The following AAK1 variants were observed in gnomAD, a reference collection of about 807,000 sequenced individuals.
AAK1 encodes AP2-associated protein kinase 1.
AAK1 carries 37 observed loss-of-function variants against 116.0 expected under a neutral mutation model. The observed-to-expected ratio is 0.32, with a 90% CI of 0.25 to 0.42. The LOEUF (loss-of-function observed/expected upper bound fraction) is 0.42. AAK1 is among the 10% of genes least tolerant of loss of function. AAK1 has a pLI of 1.00. For missense variants in AAK1, 919 were observed against 1,170.6 expected (o/e 0.79, Z 3.14); for synonymous variants, 458 against 439.9 (o/e 1.04, Z -0.51).
chr2:69,558,704 G>C (rs1209592942), intron 2 of AAK1, among the ~76,000 whole-genome samples: 2 of 152,228 alleles, frequency 1.3e-5, no homozygotes, highest in African/African-American at 4.8e-5. Context: ...TAAGTCTTCA[G>C]TATGGGAATT....
At chr2:69,569,203 A>T (rs1279230892) in intron 2 of AAK1, among the ~76,000 whole-genome samples, 2 of 152,214 alleles carry the variant, frequency 1.3e-5, no homozygotes, top group Non-Finnish European at 2.9e-5. Flanking sequence ...AGAATATAAG[A>T]GCCTTTATAC....
chr2:69,622,202 G>A (rs977021024), intron 2 of AAK1, among the ~76,000 whole-genome samples: 2 of 152,236 alleles, frequency 1.3e-5, no homozygotes, highest in Non-Finnish European at 2.9e-5. Flanking sequence ...CAGGCAGTGA[G>A]GGGCTTACCA....
At chr2:69,632,300 T>C (rs1174166068) in intron 2 of AAK1, among the ~76,000 whole-genome samples, 2 of 152,222 alleles carry the variant, frequency 1.3e-5, no homozygotes, top group Non-Finnish European at 2.9e-5. Flanking sequence ...ACAGGCAATT[T>C]TGCCCCACAG....
At position 69,469,538 on chromosome 2, in the gene AAK1, A is replaced by G; in HGVS notation, c.*6331T>C. ...GCATTGAAGGATTTATACTAACCTA[A>G]CCACATGCCTTGACCCAGTTCCTTT... On this transcript the variant is annotated 3_prime_UTR_variant, in exon 22 of 22. Coordinates refer to ENST00000409085, the MANE Select transcript of AAK1 (RefSeq NM_014911.5). 1 of 985,418 alleles carries G rather than the reference A, an allele frequency of 1.0e-6. No individual in the cohort carries two copies. The allele number at this position is 985,418 out of a possible 1,614,324, so 61.0% of individuals were successfully genotyped here.
chr2:69,469,347 C>T lies in AAK1; in HGVS notation c.*6522G>A, dbSNP rs541345000. On this transcript the variant is annotated 3_prime_UTR_variant, in exon 22 of 22. Transcript: ENST00000409085. Reference sequence around the variant, plus strand: ...GAGAGAAGGATAAATTCCAAATATACTAGAAACAGAAGGTAACCATTAAAT... The same window carrying T: ...GAGAGAAGGATAAATTCCAAATATATTAGAAACAGAAGGTAACCATTAAAT... 1.6e-5 allele frequency: 16 copies of T among 985,426 alleles called. No homozygotes were observed. In the East Asian group the frequency reaches 1.7e-3, roughly 105 times the overall value. 61.0% of individuals were successfully genotyped at this position (985,426 alleles called of 1,614,324 possible). A position where few individuals can be genotyped will look rare whatever the true frequency, so the allele number is the denominator to read the frequency against.
intron 13 of AAK1, among the ~76,000 whole-genome samples, chr2:69,512,678 C>T (rs1676435874): frequency 6.6e-6 from 1 of 152,214 alleles, no homozygotes; most frequent in South Asian, 2.1e-4. Flanking sequence ...TGGCTCCTGG[C>T]CAAAGCATGG....
At position 69,458,778 on chromosome 2, in the gene AAK1, G is replaced by A. The variant is rs1377779467; in HGVS notation, c.*17091C>T. On this transcript the variant is annotated 3_prime_UTR_variant, in exon 22 of 22. Transcript: ENST00000409085. ...TCTGGTAGACTCAAAGAGTACAGCT[G>A]ATTTGCCATTTCAGAGTGAAAAGGC... The A allele has an allele frequency of 6.6e-6, 1 of 152,502 alleles. No homozygotes were observed. The highest frequency in any genetic ancestry group is 1.5e-5 in the Non-Finnish European group (1 of 68,016). 9.4% of individuals were successfully genotyped at this position (152,502 alleles called of 1,614,324 possible).
intron 2 of AAK1, among the ~76,000 whole-genome samples, chr2:69,617,623 A>C (rs1451567398): frequency 6.6e-6 from 1 of 152,244 alleles, no homozygotes; most frequent in Non-Finnish European, 1.5e-5. Context: ...TCGTTATTGT[A>C]AGATGCAGCA....
intron 2 of AAK1, among the ~76,000 whole-genome samples, chr2:69,562,729 A>G (rs2105098569): frequency 6.6e-6 from 1 of 152,256 alleles, no homozygotes; most frequent in Admixed American, 6.5e-5. Flanking sequence ...GTCTCTACTA[A>G]AAATACAAAA....
Position 69,468,508 on chromosome 2 carries a change from TA to T in AAK1, c.*7360del. ...AAACTACCTTGAAAGTTGATGTTATTAAGCTTGTTCTGCAGGAGAGCAAAAT... is the reference window on the plus strand; with the variant it reads ...AAACTACCTTGAAAGTTGATGTTATTAGCTTGTTCTGCAGGAGAGCAAAAT... On this transcript the variant is annotated 3_prime_UTR_variant, in exon 22 of 22. Coordinates refer to ENST00000409085, the MANE Select transcript of AAK1 (RefSeq NM_014911.5). 1 of 985,418 alleles carries T rather than the reference TA, an allele frequency of 1.0e-6. No individual in the cohort carries two copies. The highest frequency in any genetic ancestry group is 1.2e-6 in the Non-Finnish European group (1 of 829,928). 61.0% of individuals were successfully genotyped at this position (985,418 alleles called of 1,614,324 possible).
chr2:69,592,286 G>A (rs1673068145), intron 2 of AAK1, among the ~76,000 whole-genome samples: 1 of 152,162 alleles, frequency 6.6e-6, no homozygotes, highest in Non-Finnish European at 1.5e-5. Context: ...TCTCAAGAGA[G>A]GGTAGTTTTG....
chr2:69,569,490 G>A (rs572360960), intron 2 of AAK1, among the ~76,000 whole-genome samples: 1 of 151,904 alleles, frequency 6.6e-6, no homozygotes, highest in African/African-American at 2.4e-5. Flanking sequence ...TGGGGATGAG[G>A]GTAAATAAAA....
chr2:69,527,186 T>C (rs779933002), intron 9 of AAK1, 30 bp downstream of exon 9: 21 of 1,492,680 alleles, frequency 1.4e-5, no homozygotes, highest in Non-Finnish European at 1.8e-5. Context: ...TGATAATGTT[T>C]ACTCCCTTTA....
At chr2:69,548,312 A>G (rs1409661840) in intron 3 of AAK1, among the ~76,000 whole-genome samples, 2 of 124,094 alleles carry the variant, frequency 1.6e-5, no homozygotes, top group African/African-American at 3.5e-5. Context: ...AACACACAGG[A>G]GGAGAAAAGC....
rs553682409 is a variant in AAK1, at chr2:69,466,653, T to C, written c.*9216A>G. On this transcript the variant is annotated 3_prime_UTR_variant, in exon 22 of 22. Coordinates refer to ENST00000409085, the MANE Select transcript of AAK1 (RefSeq NM_014911.5). ...GCAAAAACATTGTGGGACCAAATAA[T>C]AGATGTTGAAAATGCAACAGGAAAA... 1.3e-5 allele frequency: 14 copies of C among 1,084,284 alleles called. No individual in the cohort carries two copies. The highest frequency in any genetic ancestry group is 4.4e-4 in the Middle Eastern group (1 of 2,290). 67.2% of individuals were successfully genotyped at this position (1,084,284 alleles called of 1,614,324 possible).
intron 2 of AAK1, among the ~76,000 whole-genome samples, chr2:69,580,887 A>G (rs1672515324): frequency 6.6e-6 from 1 of 152,180 alleles, no homozygotes; most frequent in South Asian, 2.1e-4. Context: ...CTAATGCGCA[A>G]AATGATGGTC....
chr2:69,458,205 T>C lies in AAK1; in HGVS notation c.*17664A>G, dbSNP rs1674259288. 1 of 152,172 alleles carries C rather than the reference T, an allele frequency of 6.6e-6. No individual in the cohort carries two copies. Among genetic ancestry groups the C allele is most frequent in the African/African-American group, 2.4e-5 (1 of 41,438 alleles). 9.4% of individuals were successfully genotyped at this position (152,172 alleles called of 1,614,324 possible). On this transcript the variant is annotated 3_prime_UTR_variant, in exon 22 of 22. Coordinates refer to ENST00000409085, the MANE Select transcript of AAK1 (RefSeq NM_014911.5). Reference sequence around the variant, plus strand: ...CTCTTGTTCACAGCCCGAGATTATGTGTACATTGTTTTCTGAGGCCTGATG... The same window carrying C: ...CTCTTGTTCACAGCCCGAGATTATGCGTACATTGTTTTCTGAGGCCTGATG...
At position 69,572,349 on chromosome 2, in the gene AAK1, G is replaced by A. The variant is rs143809343; in HGVS notation, c.164-15371C>T. The stretch of plus-strand genomic sequence containing the variant: ...TAATTTTTATTTTTAAAAAACTGAG[G>A]CCAGGCATGGTGGCTCACACCTGTA... On this transcript the variant is annotated intron_variant, in intron 2 of 21. Transcript: ENST00000409085. Among the ~76,000 whole-genome samples, 189 of 152,054 alleles carry A rather than the reference G, an allele frequency of 1.2e-3. 1 individual carries two copies. Among genetic ancestry groups the A allele is most frequent in the South Asian group, 8.7e-3 (42 of 4,822 alleles).
rs913522699 is a variant in AAK1 at position 69,643,720 on chromosome 2, G to C, written c.-380C>G. 36 of 1,211,972 alleles carry C rather than the reference G, an allele frequency of 3.0e-5. No homozygotes were observed. The highest frequency in any genetic ancestry group is 8.7e-5 in the Admixed American group (2 of 22,982). The allele number at this position is 1,211,972 out of a possible 1,614,324, so 75.1% of individuals were successfully genotyped here. On this transcript the variant is annotated 5_prime_UTR_variant, in exon 1 of 22. Coordinates refer to ENST00000409085, the MANE Select transcript of AAK1 (RefSeq NM_014911.5). ...TCCCGCCCGCCCGCCAGCTGATCCC[G>C]GGAGCGCCGGGCGGAGACTGACCCG...
Sources: gnomAD v4.1 joint callset for allele counts (sites outside exome capture counted in the v4.1 genomes callset) on GRCh38, gnomAD v4.1.1 for gene constraint, MANE v1.5 for transcripts, NCBI Gene and HGNC (gene_info 2026-07-23, HGNC 2026-07-21) for gene names.